The following EGFR variants were observed in gnomAD, a reference collection of about 807,000 sequenced individuals.
EGFR encodes the protein avian erythroblastic leukemia viral (v-erb-b) oncogene homolog.
Under a neutral mutation model 143.0 loss-of-function variants are expected in EGFR, and 58 were observed. The observed-to-expected ratio is 0.41, with a 90% CI of 0.33 to 0.50. The LOEUF is 0.50. Among genes scored for constraint, EGFR ranks in the 20% least tolerant of loss-of-function variants. The pLI is 0.39. For missense variants in EGFR, 1,307 were observed against 1,579.0 expected (o/e 0.83, Z 2.92); for synonymous variants, 613 against 594.4 (o/e 1.03, Z -0.45).
intron 1 of EGFR, among the ~76,000 whole-genome samples, chr7:55,137,218 A>G (rs1330974165): frequency 1.3e-5 from 2 of 152,178 alleles, no homozygotes; most frequent in South Asian, 2.1e-4. Flanking sequence ...TGGGCTGGGG[A>G]TGGAAGCAGA....
At chr7:55,032,427 C>T (rs1448640375) in intron 1 of EGFR, among the ~76,000 whole-genome samples, 38 of 152,146 alleles carry the variant, frequency 2.5e-4, no homozygotes, top group African/African-American at 7.2e-5. Flanking sequence ...AGTTTGCTCC[C>T]GTGAATTTTC....
At position 55,152,556 on chromosome 7, in the gene EGFR, C is replaced by A. The variant is rs1785210903; in HGVS notation, c.639C>A (p.Ile213=). 2 of 1,614,042 alleles carry A rather than the reference C, an allele frequency of 1.2e-6. No individual in the cohort carries two copies. Among genetic ancestry groups the A allele is most frequent in the Non-Finnish European group, 1.7e-6 (2 of 1,180,026 alleles). ...GEENCQKLTK[I]ICAQQCSGRC... is the part of the protein sequence containing the mutation. ...TTTGCTCTTTTTCAGTGACCAAAAT[C>A]ATCTGTGCCCAGCAGTGCTCCGGGC... Residue 213 remains isoleucine, a synonymous_variant, in exon 6 of 28, where the codon ATC becomes ATA. Coordinates refer to ENST00000275493, the MANE Select transcript of EGFR (RefSeq NM_005228.5).
chr7:55,128,646 C>A (rs1793666689), intron 1 of EGFR, among the ~76,000 whole-genome samples: 1 of 152,142 alleles, frequency 6.6e-6, no homozygotes, highest in Non-Finnish European at 1.5e-5. Flanking sequence ...GTCTAGTATT[C>A]TAGAAGACTC....
chr7:55,142,772 C>T (rs1794533803), intron 2 of EGFR, among the ~76,000 whole-genome samples: 1 of 152,152 alleles, frequency 6.6e-6, no homozygotes, highest in African/African-American at 2.4e-5. Flanking sequence ...TTTGCCTATT[C>T]CCTTAGTGTA....
intron 1 of EGFR, chr7:55,109,739 T>C: frequency 4.1e-6 from 4 of 985,448 alleles, no homozygotes; most frequent in Non-Finnish European, 4.8e-6. Context: ...CCTTTGGGCC[T>C]AGGATTGCAT....
intron 20 of EGFR, among the ~76,000 whole-genome samples, chr7:55,189,603 C>T (rs73346606): frequency 0.017 from 2,645 of 152,264 alleles, 69 homozygotes; most frequent in African/African-American, 0.056. Flanking sequence ...GTAGAAACCA[C>T]GCATTTTAAA....
chr7:55,091,109 A>G (rs1791082051), intron 1 of EGFR, among the ~76,000 whole-genome samples: 1 of 152,176 alleles, frequency 6.6e-6, no homozygotes, highest in Non-Finnish European at 1.5e-5. Context: ...GATAGTGACA[A>G]TATTTTCACC....
intron 23 of EGFR, among the ~76,000 whole-genome samples, chr7:55,199,528 T>C (rs1395082068): frequency 6.6e-6 from 1 of 152,212 alleles, no homozygotes. Context: ...TTTTTTAACT[T>C]CCTTGGTTTG....
chr7:55,037,767 A>G (rs554102352), intron 1 of EGFR, among the ~76,000 whole-genome samples: 1 of 152,362 alleles, frequency 6.6e-6, no homozygotes, highest in East Asian at 1.9e-4. Flanking sequence ...TGTCAAAGCA[A>G]TTAGTCAACT....
chr7:55,041,852 T>A (rs79030770), intron 1 of EGFR, among the ~76,000 whole-genome samples: 7,016 of 152,298 alleles, frequency 0.046, 408 homozygotes, highest in African/African-American at 0.14. Flanking sequence ...AAGTACTGTT[T>A]AAGGAAACAG....
At chr7:55,023,774 G>T (rs1301226885) in intron 1 of EGFR, among the ~76,000 whole-genome samples, 3 of 151,706 alleles carry the variant, frequency 2.0e-5, no homozygotes, top group Non-Finnish European at 4.4e-5. Context: ...ATTATTACTG[G>T]TTTATTCTTG....
At chr7:55,180,002 G>C (rs1786786460) in intron 19 of EGFR, 1 of 152,246 alleles carries the variant, frequency 6.6e-6, no homozygotes, top group Admixed American at 6.5e-5. Context: ...AGGGTCCACT[G>C]TCTGTGTCCC....
At chr7:55,061,213 T>A (rs1268724943) in intron 1 of EGFR, among the ~76,000 whole-genome samples, 1 of 149,996 alleles carries the variant, frequency 6.7e-6, no homozygotes, top group Non-Finnish European at 1.5e-5. Context: ...CTTGTGTGGA[T>A]AAGGATTCTG....
chr7:55,051,062 C>A (rs955607152), intron 1 of EGFR, among the ~76,000 whole-genome samples: 1 of 152,184 alleles, frequency 6.6e-6, no homozygotes, highest in Admixed American at 6.5e-5. Context: ...TGGTCGGCAC[C>A]ATGCTAGAAC....
intron 20 of EGFR, among the ~76,000 whole-genome samples, chr7:55,188,520 G>T (rs995559158): frequency 5.9e-5 from 9 of 152,176 alleles, no homozygotes; most frequent in Middle Eastern, 3.4e-3. Context: ...ATTCATTCCA[G>T]TTTTCCTGTA....
At chr7:55,123,816 G>C (rs73135277) in intron 1 of EGFR, among the ~76,000 whole-genome samples, 1,645 of 152,212 alleles carry the variant, frequency 0.011, 8 homozygotes, top group Middle Eastern at 0.024. Flanking sequence ...ACTCAAACTA[G>C]AATTAAATCT....
At position 55,174,831 on chromosome 7, in the gene EGFR, G is replaced by A. The variant is rs375086072; in HGVS notation, c.2283+11G>A. 1.2e-5 allele frequency: 20 copies of A among 1,611,464 alleles called. No individual in the cohort carries two copies. Among genetic ancestry groups the A allele is most frequent in the Non-Finnish European group, 1.5e-5 (18 of 1,177,752 alleles). On this transcript the variant is annotated intron_variant, in intron 19 of 27. Transcript: ENST00000275493. ...AAGGAAATCCTCGATGTGAGTTTCT[G>A]CTTTGCTGTGTGGGGGTCCATGGCT...
chr7:55,167,149 T>C (rs1393128233), intron 15 of EGFR, among the ~76,000 whole-genome samples: 1 of 132,942 alleles, frequency 7.5e-6, no homozygotes, highest in Non-Finnish European at 1.6e-5. Context: ...GATGAGGAGG[T>C]GGGAGTCACA....
intron 1 of EGFR, among the ~76,000 whole-genome samples, chr7:55,067,137 A>C (rs557544273): frequency 6.6e-6 from 1 of 152,112 alleles, no homozygotes; most frequent in Non-Finnish European, 1.5e-5. Flanking sequence ...GTTTCAGAAA[A>C]CCATTGGGCT....
Sources: gnomAD v4.1 joint callset for allele counts (sites outside exome capture counted in the v4.1 genomes callset) on GRCh38, gnomAD v4.1.1 for gene constraint, MANE v1.5 for transcripts, NCBI Gene and HGNC (gene_info 2026-07-23, HGNC 2026-07-21) for gene names.